The following CALN1 variants were observed in gnomAD, a reference collection of about 807,000 sequenced individuals.
CALN1 encodes the protein calcium-binding protein 8.
A neutral mutation model predicts 30.6 loss-of-function variants in CALN1; 17 were observed. The observed-to-expected ratio is 0.56, with a 90% CI of 0.38 to 0.83. CALN1 has a LOEUF of 0.83. CALN1 is among the 40% of genes least tolerant of loss of function. The probability of loss-of-function intolerance (pLI) is 0.00; values close to 1 mark genes in which losing one functional copy is unlikely to be tolerated. For missense variants in CALN1, 291 were observed against 354.9 expected (o/e 0.82, Z 1.45); for synonymous variants, 156 against 131.4 (o/e 1.19, Z -1.28).
intron 2 of CALN1, among the ~76,000 whole-genome samples, chr7:72,330,529 T>C (rs1801602071): frequency 6.6e-6 from 1 of 151,958 alleles, no homozygotes. Flanking sequence ...AAGCAGTGCT[T>C]GCATCTGTCT....
At chr7:72,109,405 G>A (rs1210017647) in intron 3 of CALN1, among the ~76,000 whole-genome samples, 3 of 152,080 alleles carry the variant, frequency 2.0e-5, no homozygotes, top group East Asian at 1.9e-4. Flanking sequence ...CGTGGACATC[G>A]TTGAAGTGTT....
At chr7:72,192,185 T>C (rs1790658288) in intron 3 of CALN1, among the ~76,000 whole-genome samples, 1 of 152,172 alleles carries the variant, frequency 6.6e-6, no homozygotes, top group African/African-American at 2.4e-5. Flanking sequence ...ACGTCTAGGC[T>C]AGATAGTATA....
At chr7:71,976,180 G>T (rs141924645) in intron 5 of CALN1, among the ~76,000 whole-genome samples, 17 of 152,150 alleles carry the variant, frequency 1.1e-4, no homozygotes, top group Admixed American at 3.9e-4. Context: ...AACTTCAGAG[G>T]ATACACTGAT....
chr7:72,310,165 G>C (rs562321599), intron 2 of CALN1, among the ~76,000 whole-genome samples: 1 of 151,726 alleles, frequency 6.6e-6, no homozygotes, highest in African/African-American at 2.4e-5. Context: ...CTAGTAGATT[G>C]GTCTGGTTTT....
At chr7:72,416,666 C>T (rs62463253), upstream of CALN1, among the ~76,000 whole-genome samples, 2,255 of 125,232 alleles carry the variant, frequency 0.018, 29 homozygotes, top group Non-Finnish European at 0.026. Context: ...ACCTGGGAGG[C>T]GGAGGTTGCA....
intron 3 of CALN1, among the ~76,000 whole-genome samples, chr7:72,135,413 T>TG (rs1412896822): frequency 6.6e-6 from 1 of 152,218 alleles, no homozygotes; most frequent in Non-Finnish European, 1.5e-5. Flanking sequence ...CCTTGATGTA[T>TG]GGGCTGCAGA....
chr7:72,052,742 C>T (rs1802915575), intron 4 of CALN1, among the ~76,000 whole-genome samples: 1 of 152,214 alleles, frequency 6.6e-6, no homozygotes, highest in Non-Finnish European at 1.5e-5. Flanking sequence ...TGACAACTCA[C>T]CCCGTCTCAG....
chr7:71,983,327 A>T (rs1337374217), intron 5 of CALN1, among the ~76,000 whole-genome samples: 1 of 152,242 alleles, frequency 6.6e-6, no homozygotes, highest in Non-Finnish European at 1.5e-5. Context: ...AGAAGGAAAC[A>T]AAATGAGAAG....
At chr7:72,216,286 C>T (rs1042355617) in intron 3 of CALN1, among the ~76,000 whole-genome samples, 1 of 151,788 alleles carries the variant, frequency 6.6e-6, no homozygotes, top group Non-Finnish European at 1.5e-5. Flanking sequence ...CATAACTGAG[C>T]GTGGTGGTGT....
intron 1 of CALN1, among the ~76,000 whole-genome samples, chr7:72,404,417 C>T (rs953779900): frequency 1.4e-4 from 21 of 152,068 alleles, no homozygotes; most frequent in African/African-American, 5.1e-4. Context: ...TAAAAACAAA[C>T]AATAATAAAG....
intron 5 of CALN1, among the ~76,000 whole-genome samples, chr7:71,939,784 T>G (rs1376305575): frequency 6.6e-6 from 1 of 152,066 alleles, no homozygotes; most frequent in Non-Finnish European, 1.5e-5. Context: ...AGAGGATACC[T>G]AGGGGTAGAG....
chr7:72,053,323 A>C (rs1293838051), intron 4 of CALN1, among the ~76,000 whole-genome samples: 4 of 152,246 alleles, frequency 2.6e-5, no homozygotes, highest in Non-Finnish European at 5.9e-5. Flanking sequence ...ATTTTCAAAT[A>C]TGCAGATTCA....
chr7:72,338,508 T>A (rs1802217683), intron 2 of CALN1, among the ~76,000 whole-genome samples: 1 of 148,634 alleles, frequency 6.7e-6, no homozygotes, highest in African/African-American at 2.5e-5. Flanking sequence ...TGTGTGTGTG[T>A]GTGTGTGTGT....
chr7:72,233,805 A>G (rs1794278677), intron 3 of CALN1, among the ~76,000 whole-genome samples: 1 of 152,166 alleles, frequency 6.6e-6, no homozygotes, highest in African/African-American at 2.4e-5. Flanking sequence ...GGAGTTCAAG[A>G]CCAGCCTGGG....
At chr7:72,334,600 T>G (rs547351137) in intron 2 of CALN1, among the ~76,000 whole-genome samples, 7 of 152,236 alleles carry the variant, frequency 4.6e-5, no homozygotes, top group African/African-American at 1.7e-4. Context: ...CAGAAGCAGC[T>G]GAATTAAATT....
intron 3 of CALN1, among the ~76,000 whole-genome samples, chr7:72,195,038 G>A (rs537663648): frequency 5.9e-5 from 9 of 151,968 alleles, no homozygotes; most frequent in East Asian, 1.9e-4. Flanking sequence ...CTTGCCTCTC[G>A]TCCCATCCTC....
rs1806533148 is a variant in CALN1 at position 72,404,044 on chromosome 7, A to T, written c.-73-602T>A. The stretch of plus-strand genomic sequence containing the variant: ...CCATGCATATGGAATCTCTAGGTCC[A>T]CTTGATGTCACCAAGTGGCAACATC... On this transcript the variant is annotated intron_variant, in intron 1 of 6. Coordinates refer to ENST00000395275, the MANE Select transcript of CALN1 (RefSeq NM_031468.4). Among the ~76,000 whole-genome samples the T allele has an allele frequency of 3.3e-5, 5 of 152,264 alleles. No homozygotes were observed. The South Asian group carries it at 1.0e-3, about 32-fold the overall frequency.
chr7:72,501,833 C>A, the CALN1 span, among the ~76,000 whole-genome samples: 1 of 143,924 alleles, frequency 6.9e-6, no homozygotes, highest in Non-Finnish European at 1.5e-5. Context: ...CGCTTGAAAC[C>A]AGGAGGTGGA....
intron 3 of CALN1, among the ~76,000 whole-genome samples, chr7:72,277,978 A>G (rs961614095): frequency 7.5e-5 from 10 of 133,618 alleles, no homozygotes; most frequent in Non-Finnish European, 1.6e-4. Flanking sequence ...AGGTAAAAAC[A>G]TCAGGCCAAA....
Sources: gnomAD v4.1 joint callset for allele counts (sites outside exome capture counted in the v4.1 genomes callset) on GRCh38, gnomAD v4.1.1 for gene constraint, MANE v1.5 for transcripts, NCBI Gene and HGNC (gene_info 2026-07-23, HGNC 2026-07-21) for gene names.